The following FBXO8 variants were observed in gnomAD, a reference collection of about 807,000 sequenced individuals.
FBXO8 encodes the protein F-box protein 8, also known as F-box only protein 8.
In FBXO8, 15 loss-of-function variants were observed where a neutral mutation model predicts 33.4. That is an observed-to-expected ratio of 0.45 (90% CI 0.30 to 0.69). FBXO8 has a LOEUF of 0.69. Ranked by LOEUF, FBXO8 falls within the 30% of genes least tolerant of loss-of-function variation. The pLI is 0.08. For missense variants in FBXO8, 274 were observed against 380.3 expected, an observed-to-expected ratio of 0.72 and a Z score of 2.32; for synonymous variants, 132 against 131.5, an observed-to-expected ratio of 1.00 and a Z score of -0.02.
intron 4 of FBXO8, among the ~76,000 whole-genome samples, chr4:174,239,666 CT>C (rs1319194717): frequency 1.3e-5 from 2 of 151,626 alleles, no homozygotes; most frequent in Non-Finnish European, 3.0e-5. Flanking sequence ...TTTGTTTTTG[CT>C]TTTTTCACAT....
At chr4:174,280,059 C>T (rs567787246) in intron 1 of FBXO8, among the ~76,000 whole-genome samples, 2 of 151,624 alleles carry the variant, frequency 1.3e-5, no homozygotes, top group African/African-American at 2.4e-5. Context: ...AAAAGGCAAC[C>T]CACCGAATGA....
rs537147521 is a variant in FBXO8, at chr4:174,278,178, G to A, written c.-9+5232C>T. Among the ~76,000 whole-genome samples the A allele has an allele frequency of 3.9e-5, 6 of 152,010 alleles. No individual in the cohort carries two copies. Among genetic ancestry groups the A allele is most frequent in the Non-Finnish European group, 7.4e-5 (5 of 67,940 alleles). On this transcript the variant is annotated intron_variant, in intron 1 of 5. Transcript: ENST00000393674. This position sits in a 1 kb window ranked among gnomAD's most constrained non-coding sequence, Gnocchi z 4.1. Reference sequence around the variant, plus strand: ...TAAAGGAAGGGTAAGTCCACAAGGAGGTCTTTCTAAGGAGAAAAGGGAAAT... The same window carrying A: ...TAAAGGAAGGGTAAGTCCACAAGGAAGTCTTTCTAAGGAGAAAAGGGAAAT...
At chr4:174,268,457 G>A (rs749698411) in intron 1 of FBXO8, among the ~76,000 whole-genome samples, 6 of 152,162 alleles carry the variant, frequency 3.9e-5, no homozygotes, top group Non-Finnish European at 8.8e-5. Context: ...TTTTGAGATG[G>A]AGTCTCGCTG....
intron 1 of FBXO8, among the ~76,000 whole-genome samples, chr4:174,273,305 T>C (rs1345294321): frequency 2.7e-5 from 3 of 110,072 alleles, no homozygotes; most frequent in East Asian, 2.4e-4. Flanking sequence ...AAATCAATAA[T>C]GCCAATGTCA....
chr4:174,262,780 C>A lies in FBXO8; in HGVS notation c.313G>T (p.Glu105Ter). The part of the protein sequence containing the change: ...SCVWQDLAND[E>*]LLWQGLCKST... Reference sequence around the variant, plus strand: ...TTAACTTACCCTTGCCAGAGAAGTTCATCATTCGCAAGGTCCTGCCAAACA... The same window carrying A: ...TTAACTTACCCTTGCCAGAGAAGTTAATCATTCGCAAGGTCCTGCCAAACA... Residue 105 changes from glutamate (E) to a stop codon, truncating the protein, a stop_gained, in exon 2 of 6, where the codon GAA (glutamate) becomes TAA (stop). Transcript: ENST00000393674. LOFTEE classifies it high-confidence loss of function. This position sits in a 1 kb window ranked among gnomAD's most constrained non-coding sequence, Gnocchi z 4.6. The A allele has an allele frequency of 6.2e-6, 10 of 1,613,288 alleles. No individual in the cohort carries two copies. Among genetic ancestry groups the A allele is most frequent in the South Asian group, 1.1e-5 (1 of 91,040 alleles).
rs184262001 is a variant in FBXO8, at chr4:174,270,823, C to T, written c.-8-7723G>A. 1.3e-5 allele frequency among the ~76,000 whole-genome samples: 2 copies of T among 152,112 alleles called. No individual in the cohort carries two copies. Among genetic ancestry groups the T allele is most frequent in the African/African-American group, 4.8e-5 (2 of 41,488 alleles). On this transcript the variant is annotated intron_variant, in intron 1 of 5. Coordinates refer to ENST00000393674, the MANE Select transcript of FBXO8 (RefSeq NM_012180.3). This position sits in a 1 kb window ranked among gnomAD's most constrained non-coding sequence, Gnocchi z 4.6. Reference sequence around the variant, plus strand: ...TAGAGACGGAGTTTCACCATGTTGGCCAGGATGGTCTACGAACTCCTCACC... The same window carrying T: ...TAGAGACGGAGTTTCACCATGTTGGTCAGGATGGTCTACGAACTCCTCACC...
intron 1 of FBXO8, among the ~76,000 whole-genome samples, chr4:174,268,275 A>T (rs1736739082): frequency 6.6e-6 from 1 of 152,202 alleles, no homozygotes; most frequent in South Asian, 2.1e-4. Flanking sequence ...CATTTAATAC[A>T]TATTGCTAAT....
Position 174,261,872 on chromosome 4 carries a change from TTTAG to T in FBXO8, c.329+888_329+891del, listed in dbSNP as rs1445753765. ...AGGAAGTCTTAAAAAGATATTTGTT[TTTAG>T]TTATAGTCTATATTTTTATAAAGAC... On this transcript the variant is annotated intron_variant, in intron 2 of 5. Transcript: ENST00000393674. This position sits in a 1 kb window ranked among gnomAD's most constrained non-coding sequence, Gnocchi z 4.1. Among the ~76,000 whole-genome samples the T allele has an allele frequency of 1.3e-5, 2 of 152,054 alleles. No individual in the cohort carries two copies. The highest frequency in any genetic ancestry group is 1.3e-4 in the Admixed American group (2 of 15,272).
rs892667259 is a variant in FBXO8, at chr4:174,237,679, G to A, written c.773-80C>T. 5.1e-6 allele frequency: 6 copies of A among 1,172,468 alleles called. No individual in the cohort carries two copies. In the African/African-American group the frequency reaches 9.3e-5, roughly 18 times the overall value. 72.6% of individuals were successfully genotyped at this position (1,172,468 alleles called of 1,614,324 possible). Reference sequence around the variant, plus strand: ...CAATGGCATTATATAAGGCAAAAATGTTCATAATTTCAAGATATCAAGATT... The same window carrying A: ...CAATGGCATTATATAAGGCAAAAATATTCATAATTTCAAGATATCAAGATT... On this transcript the variant is annotated intron_variant, in intron 5 of 5. Transcript: ENST00000393674. The surrounding 1 kb of genome is among the most constrained non-coding windows in gnomAD (Gnocchi z 4.4).
At position 174,259,922 on chromosome 4, in the gene FBXO8, G is replaced by A; in HGVS notation, c.330-97C>T. ...ATGCAAAAATAGTAACATGAAATAA[G>A]ATTGAATTTTATAGTTCTAAAGTTT... is the stretch of plus-strand genomic sequence containing the variant. On this transcript the variant is annotated intron_variant, in intron 2 of 5. Coordinates refer to ENST00000393674, the MANE Select transcript of FBXO8 (RefSeq NM_012180.3). This position sits in a 1 kb window ranked among gnomAD's most constrained non-coding sequence, Gnocchi z 4.3. 1 of 1,270,464 alleles carries A rather than the reference G, an allele frequency of 7.9e-7. No homozygotes were observed. The highest frequency in any genetic ancestry group is 1.1e-6 in the Non-Finnish European group (1 of 934,026). 78.7% of individuals were successfully genotyped at this position (1,270,464 alleles called of 1,614,324 possible). A position where few individuals can be genotyped will look rare whatever the true frequency, so the allele number is the denominator to read the frequency against.
At chr4:174,250,655 A>T (rs1319342873) in intron 3 of FBXO8, among the ~76,000 whole-genome samples, 2 of 152,120 alleles carry the variant, frequency 1.3e-5, no homozygotes, top group African/African-American at 4.8e-5. Context: ...AGCTGGTTTT[A>T]AAAAATGCAC....
chr4:174,263,592 A>C lies in FBXO8; in HGVS notation c.-8-492T>G, dbSNP rs988448771. Among the ~76,000 whole-genome samples the C allele has an allele frequency of 1.3e-5, 2 of 152,152 alleles. No homozygotes were observed. The highest frequency in any genetic ancestry group is 4.8e-5 in the African/African-American group (2 of 41,430). On this transcript the variant is annotated intron_variant, in intron 1 of 5. Coordinates refer to ENST00000393674, the MANE Select transcript of FBXO8 (RefSeq NM_012180.3). The surrounding 1 kb of genome is among the most constrained non-coding windows in gnomAD (Gnocchi z 4.2). ...CAGCTGGGAAACAGGCTTTTAGTTT[A>C]ATTCTTGCCAGTCTACACTTACATT... is the stretch of plus-strand genomic sequence containing the variant.
Position 174,256,742 on chromosome 4 carries a change from G to A in FBXO8, c.456+2957C>T, listed in dbSNP as rs1388182345. 2.0e-5 allele frequency among the ~76,000 whole-genome samples: 3 copies of A among 151,668 alleles called. No individual in the cohort carries two copies. The highest frequency in any genetic ancestry group is 2.9e-5 in the Non-Finnish European group (2 of 67,950). On this transcript the variant is annotated intron_variant, in intron 3 of 5. Coordinates refer to ENST00000393674, the MANE Select transcript of FBXO8 (RefSeq NM_012180.3). The surrounding 1 kb of genome is among the most constrained non-coding windows in gnomAD (Gnocchi z 4.6). ...AGATAGCATTTTCTTTTGCTATTAGGTAACATCTGCTAAATTACATGTTCA... is the reference window on the plus strand; with the variant it reads ...AGATAGCATTTTCTTTTGCTATTAGATAACATCTGCTAAATTACATGTTCA...
At position 174,262,470 on chromosome 4, in the gene FBXO8, C is replaced by T. The variant is rs533839401; in HGVS notation, c.329+294G>A. ...TAGAAATTCTCACTCCACAACTTTG[C>T]GGTATTTTCAGAATAAAGTGAGAGT... is the stretch of plus-strand genomic sequence containing the variant. On this transcript the variant is annotated intron_variant, in intron 2 of 5. Transcript: ENST00000393674. This position sits in a 1 kb window ranked among gnomAD's most constrained non-coding sequence, Gnocchi z 4.6. Among the ~76,000 whole-genome samples, 10 of 152,220 alleles carry T rather than the reference C, an allele frequency of 6.6e-5. No homozygotes were observed. The highest frequency in any genetic ancestry group is 2.1e-4 in the South Asian group (1 of 4,812).
At chr4:174,248,983 T>A (rs1736227179) in intron 3 of FBXO8, among the ~76,000 whole-genome samples, 1 of 152,036 alleles carries the variant, frequency 6.6e-6, no homozygotes, top group Admixed American at 6.6e-5. Context: ...CAGGTCTTCC[T>A]GCTTATTTTT....
At chr4:174,280,754 A>G (rs1267418773) in intron 1 of FBXO8, among the ~76,000 whole-genome samples, 1 of 152,198 alleles carries the variant, frequency 6.6e-6, no homozygotes, top group Non-Finnish European at 1.5e-5. Context: ...CAAATACTGG[A>G]TAAGCCCATT....
chr4:174,248,326 T>C (rs943202555), intron 3 of FBXO8, among the ~76,000 whole-genome samples: 1 of 152,034 alleles, frequency 6.6e-6, no homozygotes, highest in African/African-American at 2.4e-5. Flanking sequence ...GTAAAATCTA[T>C]GCCCAGATTT....
rs2126425636 is a variant in FBXO8 at position 174,252,549 on chromosome 4, C to A, written c.456+7150G>T. Among the ~76,000 whole-genome samples, 1 of 152,154 alleles carries A rather than the reference C, an allele frequency of 6.6e-6. No individual in the cohort carries two copies. Among genetic ancestry groups the A allele is most frequent in the African/African-American group, 2.4e-5 (1 of 41,514 alleles). On this transcript the variant is annotated intron_variant, in intron 3 of 5. Coordinates refer to ENST00000393674, the MANE Select transcript of FBXO8 (RefSeq NM_012180.3). The surrounding 1 kb of genome is among the most constrained non-coding windows in gnomAD (Gnocchi z 5.1). Reference sequence around the variant, plus strand: ...GCTATTCTTGGTAGGGTTACTAATACCCCTCATGGCTACCAGATGGCTGCA... The same window carrying A: ...GCTATTCTTGGTAGGGTTACTAATAACCCTCATGGCTACCAGATGGCTGCA...
rs1217187361 is a variant in FBXO8 at position 174,241,918 on chromosome 4, C to T, written c.457-700G>A. 1.3e-5 allele frequency among the ~76,000 whole-genome samples: 2 copies of T among 151,320 alleles called. No homozygotes were observed. The highest frequency in any genetic ancestry group is 3.0e-5 in the Non-Finnish European group (2 of 67,496). ...GCAAAGTTTTCCAGAGAAGCATTAC[C>T]CATAAGTTTTTACCTACTTTAGATT... is the stretch of plus-strand genomic sequence containing the variant. On this transcript the variant is annotated intron_variant, in intron 3 of 5. Transcript: ENST00000393674. The surrounding 1 kb of genome is among the most constrained non-coding windows in gnomAD (Gnocchi z 4.2).
Sources: allele counts gnomAD v4.1 joint callset (sites outside exome capture counted in the v4.1 genomes callset), GRCh38; gene constraint gnomAD v4.1.1; non-coding constraint Gnocchi (gnomAD v3.1); transcripts MANE v1.5; gene names NCBI Gene and HGNC (gene_info 2026-07-23, HGNC 2026-07-21).